Variants in RAD9A observed in about 807,000 individuals in gnomAD.
The protein encoded by RAD9A is RAD9 checkpoint clamp component A.
In RAD9A, 25 loss-of-function variants were observed where a neutral mutation model predicts 41.2. That is an observed-to-expected ratio of 0.61 (90% CI 0.44 to 0.85). The LOEUF (loss-of-function observed/expected upper bound fraction) is 0.85. Ranked by LOEUF, RAD9A falls within the 40% of genes least tolerant of loss-of-function variation. The probability of loss-of-function intolerance (pLI) is 0.00; values close to 1 mark genes in which losing one functional copy is unlikely to be tolerated. For missense variants in RAD9A, 514 were observed against 518.3 expected, an observed-to-expected ratio of 0.99 and a Z score of 0.08; for synonymous variants, 252 against 210.6, an observed-to-expected ratio of 1.20 and a Z score of -1.70.
intron 7 of RAD9A, 34 bp from the exon 8 acceptor site, chr11:67,396,077 C>T: frequency 6.2e-7 from 1 of 1,613,106 alleles, no homozygotes; most frequent in Non-Finnish European, 8.5e-7. Flanking sequence ...CTCAGCCCAG[C>T]CCGGGGCCTC....
Position 67,395,946 on chromosome 11 carries a change from C to T in RAD9A, c.594C>T (p.Cys198=). 1 of 1,614,172 alleles carries T rather than the reference C, an allele frequency of 6.2e-7. No homozygotes were observed. The highest frequency in any genetic ancestry group is 1.7e-5 in the Admixed American group (1 of 60,020). ...CCAAAGCCATGGTGACTGAGATGTGCCTTGGAGAGGAGGATTTCCAGCAGC... is the reference window on the plus strand; with the variant it reads ...CCAAAGCCATGGTGACTGAGATGTGTCTTGGAGAGGAGGATTTCCAGCAGC... ...STAKAMVTEM[C]LGEEDFQQLQ... Residue 198 remains cysteine (C), a synonymous_variant, in exon 7 of 11, where the codon TGC becomes TGT. Coordinates refer to ENST00000307980, the MANE Select transcript of RAD9A (RefSeq NM_004584.3).
chr11:67,397,228 A>C lies in RAD9A; in HGVS notation c.922A>C (p.Ile308Leu), dbSNP rs1466071397. 2.5e-6 allele frequency: 4 copies of C among 1,613,666 alleles called. No homozygotes were observed. Among genetic ancestry groups the C allele is most frequent in the South Asian group, 1.1e-5 (1 of 91,074 alleles). Reference protein sequence around the residue: ...FANDDIDSYMIAMETTIGNEG... With the variant: ...FANDDIDSYMLAMETTIGNEG... ...CAATGACGACATTGACTCTTACATG[A>C]TCGCCATGGAAACCACTATAGGCAA... Residue 308 changes from isoleucine (I) to leucine (L), a missense_variant, in exon 10 of 11, where the codon ATC (isoleucine) becomes CTC (leucine). Transcript: ENST00000307980.
rs35632129 is a variant in RAD9A, at chr11:67,397,488, A to T, written c.1105A>T (p.Ile369Phe). The T allele has an allele frequency of 1.0e-3, 1,669 of 1,612,270 alleles. 3 individuals carry two copies. The highest frequency in any genetic ancestry group is 1.1e-3 in the Non-Finnish European group (1,289 of 1,178,814). The change falls in exon 11 of 11, where the codon ATC becomes TTC. Residue 369 changes from isoleucine to phenylalanine, a missense_variant. Transcript: ENST00000307980. The stretch of plus-strand genomic sequence containing the variant: ...GTTCCGCTCACTGTTCTTCGGCTCC[A>T]TCCTGGCCCCTGTACGCTCCCCCCA... ...KKFRSLFFGS[I>F]LAPVRSPQGP...
chr11:67,394,849 C>T (rs963413162), intron 5 of RAD9A, among the ~76,000 whole-genome samples: 5 of 151,852 alleles, frequency 3.3e-5, no homozygotes, highest in Non-Finnish European at 5.9e-5. Flanking sequence ...CTCCCGACCT[C>T]AGGTGATCTG....
At chr11:67,394,828 C>G (rs1466337244) in intron 5 of RAD9A, among the ~76,000 whole-genome samples, 1 of 150,726 alleles carries the variant, frequency 6.6e-6, no homozygotes, top group Non-Finnish European at 1.5e-5. Context: ...GTTGGTCAGG[C>G]TGGTCTTGAA....
Position 67,397,819 on chromosome 11 carries a change from T to C in RAD9A, c.*260T>C, listed in dbSNP as rs1862761440. The C allele has an allele frequency of 4.1e-6, 2 of 484,090 alleles. No individual in the cohort carries two copies. Among genetic ancestry groups the C allele is most frequent in the Non-Finnish European group, 7.4e-6 (2 of 271,796 alleles). The allele number at this position is 484,090 out of a possible 1,614,324, so 30.0% of individuals were successfully genotyped here. The stretch of plus-strand genomic sequence containing the variant: ...CCTGAACTACTGACGTTCCTACCTC[T>C]TATTTCTCATTGAGCCTCAGGCTAT... On this transcript the variant is annotated 3_prime_UTR_variant, in exon 11 of 11. Coordinates refer to ENST00000307980, the MANE Select transcript of RAD9A (RefSeq NM_004584.3).
In RAD9A at chr11:67,392,773, C is replaced by G. The variant is rs769298566; in HGVS notation, c.225C>G (p.Ile75Met). The change falls in exon 3 of 11, where the codon ATC (isoleucine) becomes ATG (methionine). Residue 75 changes from isoleucine (I) to methionine (M), a missense_variant. Ile to Met is a conservative substitution (Grantham distance 10, BLOSUM62 1). This residue lies in a region of RAD9A where 268 missense variants were observed against 279.3 expected (regional missense o/e 0.96). Transcript: ENST00000307980. The part of the protein sequence containing the change: ...TPGQDLLRCK[I>M]LMKSFLSVFR... ...GTCAGGACCTGCTGCGCTGTAAGAT[C>G]CTGATGAAGGTGAGGCCCTTCCCTC... is the stretch of plus-strand genomic sequence containing the variant. 1 of 1,613,996 alleles carries G rather than the reference C, an allele frequency of 6.2e-7. No homozygotes were observed. The highest frequency in any genetic ancestry group is 8.5e-7 in the Non-Finnish European group (1 of 1,179,956).
Position 67,393,724 on chromosome 11 carries a change from A to G in RAD9A, c.383A>G (p.Asp128Gly). 1 of 1,613,430 alleles carries G rather than the reference A, an allele frequency of 6.2e-7. No individual in the cohort carries two copies. The highest frequency in any genetic ancestry group is 8.5e-7 in the Non-Finnish European group (1 of 1,179,790). ...VRKTHNLSFQ[D>G]CESLQAVFDP... ...AAGACTCACAACCTGTCCTTCCAGG[A>G]CTGTGAGTCCCTGCAGGCCGTCTTC... Residue 128 changes from aspartate to glycine, a missense_variant, in exon 5 of 11, where the codon GAC becomes GGC. Physicochemically the swap from Asp to Gly is moderately conservative, Grantham distance 94. Transcript: ENST00000307980.
intron 3 of RAD9A, 190 bp downstream of exon 3, chr11:67,392,972 T>G: frequency 1.1e-6 from 1 of 885,016 alleles, no homozygotes; most frequent in Admixed American, 2.9e-5. Context: ...GACGCTCAAG[T>G]TCGTCAAGAA....
Position 67,396,180 on chromosome 11 carries a change from T to G in RAD9A, c.734+5T>G, listed in dbSNP as rs1565117869. ...TCATTTTGATGCTCCAGGCAGGTAG[T>G]TCCCAGCCTTGGGACAGGGAAGGGC... On this transcript the variant is annotated splice_donor_5th_base_variant and intron_variant, in intron 8 of 10. Transcript: ENST00000307980. The G allele has an allele frequency of 1.2e-6, 2 of 1,613,760 alleles. No homozygotes were observed. Among genetic ancestry groups the G allele is most frequent in the Non-Finnish European group, 1.7e-6 (2 of 1,179,658 alleles).
chr11:67,392,284 C>T (rs1590927588), intron 2 of RAD9A, 53 bp downstream of exon 2: 1 of 1,445,450 alleles, frequency 6.9e-7, no homozygotes, highest in Middle Eastern at 2.1e-4. Context: ...GAGCGGGTAA[C>T]CCGGACTAGA....
At chr11:67,393,088 T>C in intron 3 of RAD9A, 1 of 384,518 alleles carries the variant, frequency 2.6e-6, no homozygotes, top group Non-Finnish European at 4.5e-6. Flanking sequence ...GAGACCAGCC[T>C]GGCCAACATG....
intron 7 of RAD9A, 29 bp from the exon 8 acceptor site, chr11:67,396,082 G>A: frequency 1.2e-6 from 2 of 1,613,216 alleles, no homozygotes; most frequent in South Asian, 2.2e-5. Flanking sequence ...CCCAGCCCGG[G>A]GCCTCACCTG....
At chr11:67,392,816 ACCCCAGGAATCT>A (rs753480846) in intron 3 of RAD9A, 34 bp downstream of exon 3, 1 of 1,609,526 alleles carries the variant, frequency 6.2e-7, no homozygotes, top group South Asian at 1.1e-5. Context: ...GCACTACTCC[ACCCCAGGAATCT>A]CCACCAGCTG....
In RAD9A at chr11:67,397,173, C is replaced by T. The variant is rs1446564657; in HGVS notation, c.873-6C>T. 6.2e-7 allele frequency: 1 copy of T among 1,608,412 alleles called. No individual in the cohort carries two copies. Among genetic ancestry groups the T allele is most frequent in the Admixed American group, 1.7e-5 (1 of 59,998 alleles). Reference sequence around the variant, plus strand: ...CCCCTCCCTGATACTCCGATTCTGCCTACAGCACACCCCACCCGGACGACT... The same window carrying T: ...CCCCTCCCTGATACTCCGATTCTGCTTACAGCACACCCCACCCGGACGACT... On this transcript the variant is annotated splice_region_variant and splice_polypyrimidine_tract_variant and intron_variant, in intron 9 of 10. Coordinates refer to ENST00000307980, the MANE Select transcript of RAD9A (RefSeq NM_004584.3).
chr11:67,396,573 C>G (rs917100342), intron 9 of RAD9A, among the ~76,000 whole-genome samples, 173 bp downstream of exon 9: 1 of 152,252 alleles, frequency 6.6e-6, no homozygotes, highest in African/African-American at 2.4e-5. Flanking sequence ...CCTGCAGACT[C>G]AGCCTTCTCG....
intron 3 of RAD9A, chr11:67,393,069 C>T (rs866625476): frequency 9.7e-6 from 4 of 412,338 alleles, no homozygotes; most frequent in African/African-American, 6.1e-5. Context: ...ATCACGAGGT[C>T]AGGAGTTCGA....
At chr11:67,396,508 CTTCTCT>C (rs1321823095) in intron 9 of RAD9A, 108 bp downstream of exon 9, 21 of 1,376,880 alleles carry the variant, frequency 1.5e-5, no homozygotes, top group Non-Finnish European at 1.9e-5. Context: ...TCTCCCGCCC[CTTCTCT>C]TTCTATCAGG....
chr11:67,392,942 C>T (rs531924611), intron 3 of RAD9A, 160 bp downstream of exon 3: 705 of 1,082,750 alleles, frequency 6.5e-4, no homozygotes, highest in Middle Eastern at 4.2e-3. Context: ...AGCATCACAG[C>T]GGGGACCTGA....
Sources: allele counts gnomAD v4.1 joint callset (sites outside exome capture counted in the v4.1 genomes callset), GRCh38; gene constraint gnomAD v4.1.1; regional missense constraint gnomAD v4.1.1; transcripts MANE v1.5; gene names NCBI Gene and HGNC (gene_info 2026-07-23, HGNC 2026-07-21).